The following DCAF10 variants were observed in gnomAD, a reference collection of about 807,000 sequenced individuals.
DCAF10 encodes DDB1 and CUL4 associated factor 10, also known as DDB1- and CUL4-associated factor 10.
In DCAF10, 19 loss-of-function variants were observed where a neutral mutation model predicts 51.9. That is an observed-to-expected ratio of 0.37 (90% CI 0.26 to 0.54). The LOEUF is 0.54. Among genes scored for constraint, DCAF10 ranks in the 20% least tolerant of loss-of-function variants. The pLI, the probability that DCAF10 is intolerant of heterozygous loss-of-function variation, is 0.87. For synonymous variants in DCAF10, 291 were observed against 297.1 expected (o/e 0.98, Z 0.21); for missense variants, 510 against 730.6 (o/e 0.70, Z 3.48).
At chr9:37,832,406 C>A (rs1589096485) in intron 2 of DCAF10, among the ~76,000 whole-genome samples, 1 of 151,474 alleles carries the variant, frequency 6.6e-6, no homozygotes, top group Non-Finnish European at 1.5e-5. Flanking sequence ...TGCAGTGAGC[C>A]GAGATCACGC....
At chr9:37,825,173 A>G (rs1450623107) in intron 2 of DCAF10, among the ~76,000 whole-genome samples, 1 of 152,214 alleles carries the variant, frequency 6.6e-6, no homozygotes, top group African/African-American at 2.4e-5. Context: ...CATTGTGGAA[A>G]ATAGTGTGTT....
chr9:37,839,623 C>G (rs550246514), intron 2 of DCAF10, among the ~76,000 whole-genome samples: 6 of 152,276 alleles, frequency 3.9e-5, no homozygotes, highest in African/African-American at 1.4e-4. Flanking sequence ...GTCATCTCTA[C>G]TTTCCCACAC....
At chr9:37,800,764 G>A, upstream of DCAF10, 2 of 1,530,308 alleles carry the variant, frequency 1.3e-6, no homozygotes, top group Non-Finnish European at 1.7e-6. Context: ...GTTTCCAGCC[G>A]GTGGGGTTAG....
intron 2 of DCAF10, among the ~76,000 whole-genome samples, chr9:37,827,362 C>T (rs2117904378): frequency 6.6e-6 from 1 of 152,048 alleles, no homozygotes; most frequent in African/African-American, 2.4e-5. Context: ...GTCTCAAAAA[C>T]AAGCAAGCAA....
chr9:37,851,942 T>C (rs1171040652), intron 3 of DCAF10, among the ~76,000 whole-genome samples: 3 of 152,042 alleles, frequency 2.0e-5, no homozygotes, highest in Non-Finnish European at 4.4e-5. Context: ...TTCATACATA[T>C]ATTTGGAGCT....
chr9:37,855,477 C>G (rs943154005), intron 4 of DCAF10, among the ~76,000 whole-genome samples: 4 of 152,196 alleles, frequency 2.6e-5, no homozygotes, highest in Non-Finnish European at 4.4e-5. Context: ...AAAACTCTGT[C>G]TCTTCTCCCA....
At chr9:37,819,011 C>T (rs1284004935) in intron 1 of DCAF10, among the ~76,000 whole-genome samples, 1 of 152,046 alleles carries the variant, frequency 6.6e-6, no homozygotes, top group Non-Finnish European at 1.5e-5. Context: ...GAAAAAATTG[C>T]TGAGTCAAAA....
chr9:37,860,339 C>G, intron 6 of DCAF10, 146 bp downstream of exon 6: 2 of 1,019,258 alleles, frequency 2.0e-6, no homozygotes, highest in East Asian at 2.6e-5. Flanking sequence ...TCTCCTGTTT[C>G]TGTCCTCTCT....
intron 1 of DCAF10, among the ~76,000 whole-genome samples, chr9:37,818,381 A>C (rs1164151455): frequency 1.3e-5 from 2 of 152,140 alleles, no homozygotes; most frequent in Non-Finnish European, 2.9e-5. Context: ...TATTTATTCT[A>C]TCTTATGTAC....
intron 3 of DCAF10, among the ~76,000 whole-genome samples, chr9:37,849,192 A>G (rs1830562325): frequency 6.6e-6 from 1 of 152,068 alleles, no homozygotes; most frequent in East Asian, 1.9e-4. Context: ...TGTTACCACT[A>G]CTGTTCATCA....
intron 3 of DCAF10, among the ~76,000 whole-genome samples, chr9:37,849,115 A>G (rs1337339725): frequency 1.3e-5 from 2 of 152,192 alleles, no homozygotes; most frequent in Non-Finnish European, 1.5e-5. Context: ...AAAAAATTAT[A>G]GCACATTTTA....
chr9:37,812,670 G>C (rs1305622657), intron 1 of DCAF10, among the ~76,000 whole-genome samples: 1 of 152,150 alleles, frequency 6.6e-6, no homozygotes, highest in African/African-American at 2.4e-5. Flanking sequence ...GTCTCTCTCT[G>C]TCATCCAAGC....
At chr9:37,841,168 T>C (rs1317925539) in intron 2 of DCAF10, among the ~76,000 whole-genome samples, 1 of 151,996 alleles carries the variant, frequency 6.6e-6, no homozygotes, top group East Asian at 1.9e-4. Flanking sequence ...AGGAGGAAGG[T>C]TGTTTCACCT....
chr9:37,808,598 A>T (rs1397387346), intron 1 of DCAF10, among the ~76,000 whole-genome samples: 1 of 105,182 alleles, frequency 9.5e-6, no homozygotes, highest in Non-Finnish European at 1.8e-5. Context: ...TATTTATATA[A>T]TATAATATAA....
intron 2 of DCAF10, among the ~76,000 whole-genome samples, chr9:37,823,599 CG>C (rs35811393): frequency 6.6e-6 from 1 of 151,120 alleles, no homozygotes; most frequent in East Asian, 1.9e-4. Context: ...GTTTTTTTGG[CG>C]GGGGGTACAT....
chr9:37,808,376 CCAGCCTGGGCGA>C (rs1182499457), intron 1 of DCAF10, among the ~76,000 whole-genome samples: 20 of 147,554 alleles, frequency 1.4e-4, no homozygotes, highest in South Asian at 8.4e-4. Context: ...CCACTGCACT[CCAGCCTGGGCGA>C]CAGCCTGGGC....
chr9:37,848,295 T>G (rs947357919), intron 3 of DCAF10, among the ~76,000 whole-genome samples: 7 of 152,216 alleles, frequency 4.6e-5, no homozygotes, highest in African/African-American at 1.7e-4. Flanking sequence ...GCACTCATAA[T>G]AAGCAAAAAT....
At chr9:37,850,590 G>A (rs1455994135) in intron 3 of DCAF10, among the ~76,000 whole-genome samples, 2 of 151,852 alleles carry the variant, frequency 1.3e-5, no homozygotes, top group African/African-American at 4.8e-5. Flanking sequence ...GAAGCAGATA[G>A]TAGAATGGTG....
chr9:37,833,543 A>G (rs1830064004), intron 2 of DCAF10, among the ~76,000 whole-genome samples: 1 of 152,242 alleles, frequency 6.6e-6, no homozygotes, highest in African/African-American at 2.4e-5. Flanking sequence ...CCATTTTAAT[A>G]GAATTCATTT....
Sources: allele counts gnomAD v4.1 joint callset (sites outside exome capture counted in the v4.1 genomes callset), GRCh38; gene constraint gnomAD v4.1.1; transcripts MANE v1.5; gene names NCBI Gene and HGNC (gene_info 2026-07-23, HGNC 2026-07-21).